SLMAP: variants seen among roughly 807,000 people sequenced by gnomAD.
SLMAP encodes sarcolemmal membrane-associated protein.
Under a neutral mutation model 128.8 loss-of-function variants are expected in SLMAP, and 44 were observed. That is an observed-to-expected ratio of 0.34 (90% CI 0.27 to 0.44). SLMAP has a LOEUF of 0.44. Among genes scored for constraint, SLMAP ranks in the 20% least tolerant of loss-of-function variants. SLMAP has a pLI of 1.00. For synonymous variants in SLMAP, 327 were observed against 348.8 expected (o/e 0.94, Z 0.70); for missense variants, 787 against 985.3 (o/e 0.80, Z 2.69).
chr3:57,835,461 A>G (rs1311414385), intron 3 of SLMAP, among the ~76,000 whole-genome samples: 2 of 152,150 alleles, frequency 1.3e-5, no homozygotes, highest in East Asian at 3.9e-4. Context: ...GATATTAACA[A>G]ATTAAATTCA....
At chr3:57,877,206 A>G (rs1459532714) in intron 14 of SLMAP, among the ~76,000 whole-genome samples, 2 of 152,144 alleles carry the variant, frequency 1.3e-5, no homozygotes, top group Non-Finnish European at 2.9e-5. Flanking sequence ...CATAACTAGG[A>G]AAAATTATAG....
chr3:57,887,763 C>T (rs1408764334), intron 14 of SLMAP, among the ~76,000 whole-genome samples: 2 of 152,054 alleles, frequency 1.3e-5, no homozygotes, highest in Non-Finnish European at 2.9e-5. Context: ...ATGAATCTTC[C>T]TCAGTGCTAG....
chr3:57,848,650 C>T (rs2094384171), intron 5 of SLMAP, among the ~76,000 whole-genome samples: 1 of 148,220 alleles, frequency 6.7e-6, no homozygotes, highest in African/African-American at 2.5e-5. Context: ...TTTCTTCCTC[C>T]TCCTCCTTCC....
intron 2 of SLMAP, among the ~76,000 whole-genome samples, chr3:57,812,531 C>A (rs987153215): frequency 2.0e-5 from 3 of 151,980 alleles, no homozygotes; most frequent in Non-Finnish European, 4.4e-5. Context: ...GTTTTGTTTT[C>A]TTTTTCAAGA....
chr3:57,759,263 T>C (rs914426182), intron 2 of SLMAP, among the ~76,000 whole-genome samples: 3 of 151,840 alleles, frequency 2.0e-5, no homozygotes, highest in Non-Finnish European at 4.4e-5. Context: ...AAATACTTCA[T>C]AGATTACTCG....
intron 2 of SLMAP, among the ~76,000 whole-genome samples, chr3:57,776,891 A>T (rs931860034): frequency 1.3e-5 from 2 of 151,888 alleles, no homozygotes; most frequent in African/African-American, 4.8e-5. Context: ...ACCCTTAATT[A>T]TATATGGTTC....
At chr3:57,816,771 A>G (rs1390454618) in intron 2 of SLMAP, among the ~76,000 whole-genome samples, 2 of 152,220 alleles carry the variant, frequency 1.3e-5, no homozygotes, top group African/African-American at 4.8e-5. Flanking sequence ...TTTGTGAGAA[A>G]TGTTATCTGA....
In SLMAP at chr3:57,922,905, C is replaced by G; in HGVS notation, c.2327C>G (p.Thr776Ser). ...TGCCTTTAGTATGAAAAGACACAGA[C>G]TGTACTCTCAGAACTGAAGTTGAAG... The part of the protein sequence containing the change: ...DVQKEYEKTQ[T>S]VLSELKLKFE... The change falls in exon 23 of 25, where the codon ACT becomes AGT. Residue 776 changes from threonine (T) to serine (S), a missense_variant. Thr to Ser is a moderately conservative substitution (Grantham distance 58, BLOSUM62 1). Coordinates refer to ENST00000671191, the MANE Select transcript of SLMAP (RefSeq NM_001377540.1). 2.5e-6 allele frequency: 4 copies of G among 1,613,140 alleles called. No individual in the cohort carries two copies. The highest frequency in any genetic ancestry group is 3.4e-6 in the Non-Finnish European group (4 of 1,179,862).
At chr3:57,791,627 T>C (rs1223622764) in intron 2 of SLMAP, among the ~76,000 whole-genome samples, 2 of 152,188 alleles carry the variant, frequency 1.3e-5, no homozygotes, top group Admixed American at 6.5e-5. Context: ...TCTTTTAAAG[T>C]TCATTTCGAT....
At chr3:57,869,657 T>TATATATATATATAC (rs1553900520) in intron 13 of SLMAP, among the ~76,000 whole-genome samples, 1 of 135,538 alleles carries the variant, frequency 7.4e-6, no homozygotes, top group Non-Finnish European at 1.6e-5. Context: ...TATATATATA[T>TATATATATATATAC]ATAATATATA....
intron 2 of SLMAP, among the ~76,000 whole-genome samples, chr3:57,780,873 G>A (rs1469436048): frequency 6.6e-6 from 1 of 151,728 alleles, no homozygotes; most frequent in Non-Finnish European, 1.5e-5. Context: ...GAACTCCTGA[G>A]CTCAAGTGAT....
chr3:57,830,181 C>T (rs1263838422), intron 2 of SLMAP, among the ~76,000 whole-genome samples: 11 of 152,096 alleles, frequency 7.2e-5, no homozygotes, highest in South Asian at 2.1e-4. Context: ...ATTACAGGCA[C>T]GTGCCACCAC....
At chr3:57,896,187 A>G in intron 15 of SLMAP, 2 of 1,022,700 alleles carry the variant, frequency 2.0e-6, no homozygotes, top group Non-Finnish European at 2.4e-6. Flanking sequence ...TGGGAATTGT[A>G]CTATATTTGT....
intron 2 of SLMAP, among the ~76,000 whole-genome samples, chr3:57,771,966 C>T (rs543806080): frequency 8.5e-5 from 13 of 152,230 alleles, no homozygotes; most frequent in Admixed American, 2.6e-4. Flanking sequence ...TCTAGTCAGT[C>T]AGTTAGGAAA....
Position 57,860,782 on chromosome 3 carries a change from C to T in SLMAP, c.771C>T (p.Ser257=), listed in dbSNP as rs1060504850. 3 of 1,596,716 alleles carry T rather than the reference C, an allele frequency of 1.9e-6. No individual in the cohort carries two copies. In the East Asian group the frequency reaches 6.8e-5, roughly 36 times the overall value. The change falls in exon 9 of 25, where the codon TCC becomes TCT. Residue 257 remains serine (S), a synonymous_variant. Coordinates refer to ENST00000671191, the MANE Select transcript of SLMAP (RefSeq NM_001377540.1). ...ACTATGAGACAACAGCCAAAGAGTC[C>T]CTGAGGCGGGTTCTTCAGGAGAAAA... The part of the protein sequence containing the change: ...KHNYETTAKE[S]LRRVLQEKIE...
Position 57,849,794 on chromosome 3 carries a change from T to G in SLMAP, c.497T>G (p.Phe166Cys). ...CCAAGTATGTACTCTCAGGAACTAT[T>G]CCAGCTTTCTCAGTATCTACAGGTA... Reference protein sequence around the residue: ...NTPSMYSQELFQLSQYLQEAL... With the variant: ...NTPSMYSQELCQLSQYLQEAL... Residue 166 changes from phenylalanine to cysteine, a missense_variant, in exon 6 of 25, where the codon TTC (phenylalanine) becomes TGC (cysteine). By Grantham distance (205) the Phe-to-Cys change is radical. Coordinates refer to ENST00000671191, the MANE Select transcript of SLMAP (RefSeq NM_001377540.1). The G allele has an allele frequency of 6.4e-7, 1 of 1,567,716 alleles. No homozygotes were observed. The highest frequency in any genetic ancestry group is 8.8e-7 in the Non-Finnish European group (1 of 1,137,750).
chr3:57,831,470 G>GA lies in SLMAP; in HGVS notation c.289dup (p.Ile97AsnfsTer5). 1 of 1,598,244 alleles carries GA rather than the reference G, an allele frequency of 6.3e-7. No homozygotes were observed. Among genetic ancestry groups the GA allele is most frequent in the Non-Finnish European group, 8.5e-7 (1 of 1,171,454 alleles). On this transcript the variant is annotated frameshift_variant, in exon 3 of 25. Coordinates refer to ENST00000671191, the MANE Select transcript of SLMAP (RefSeq NM_001377540.1). LOFTEE classifies it high-confidence loss of function. Reference sequence around the variant, plus strand: ...AGGCTCTGAAGAAAGTCCACCATGTGAAATTCTTTCCGGTGACATTATCCA... The same window carrying GA: ...AGGCTCTGAAGAAAGTCCACCATGTGAAAATTCTTTCCGGTGACATTATCCA...
At chr3:57,770,977 A>G (rs1004591881) in intron 2 of SLMAP, among the ~76,000 whole-genome samples, 1 of 152,142 alleles carries the variant, frequency 6.6e-6, no homozygotes. Flanking sequence ...TCTGTAATCA[A>G]TTTGCTCCAA....
At chr3:57,901,126 C>T (rs952110472) in intron 17 of SLMAP, 1 of 152,252 alleles carries the variant, frequency 6.6e-6, no homozygotes, top group East Asian at 1.9e-4. Flanking sequence ...TTTGGCTGAA[C>T]CCATTCTTTG....
Sources: allele counts gnomAD v4.1 joint callset (sites outside exome capture counted in the v4.1 genomes callset), GRCh38; gene constraint gnomAD v4.1.1; transcripts MANE v1.5; gene names NCBI Gene and HGNC (gene_info 2026-07-23, HGNC 2026-07-21).